The following ADGRE3 variants were observed in gnomAD, a reference collection of about 807,000 sequenced individuals.
ADGRE3 encodes EGF-like module receptor 3.
ADGRE3 carries 88 observed loss-of-function variants against 80.1 expected under a neutral mutation model. The observed-to-expected ratio is 1.10, with a 90% CI of 0.93 to 1.31. ADGRE3 has a LOEUF of 1.31. Ranked by LOEUF, ADGRE3 falls within the 40% of genes most tolerant of loss-of-function variation. The pLI is 0.00. For missense variants in ADGRE3, 715 were observed against 776.5 expected (o/e 0.92, Z 0.94); for synonymous variants, 281 against 294.8 (o/e 0.95, Z 0.48).
intron 11 of ADGRE3, among the ~76,000 whole-genome samples, chr19:14,637,756 T>G (rs577540442): frequency 6.6e-6 from 1 of 152,008 alleles, no homozygotes; most frequent in Non-Finnish European, 1.5e-5. Flanking sequence ...CTTGAACTCC[T>G]GGCCTCAAGT....
chr19:14,602,368 C>A, the ADGRE3 span, among the ~76,000 whole-genome samples: 2 of 152,264 alleles, frequency 1.3e-5, no homozygotes, highest in South Asian at 4.1e-4. Context: ...CAGCTCATGG[C>A]AGCCTTGGCC....
intron 1 of ADGRE3, among the ~76,000 whole-genome samples, chr19:14,671,457 A>G (rs1356674669): frequency 1.3e-5 from 2 of 152,110 alleles, no homozygotes; most frequent in Non-Finnish European, 2.9e-5. Context: ...CCCTCTTAAG[A>G]GGACCTTTGT....
rs777908959 is a variant in ADGRE3 at position 14,651,117 on chromosome 19, C to A, written c.665G>T (p.Arg222Leu). The change falls in exon 7 of 16, where the codon CGT becomes CTT. Residue 222 changes from arginine (R) to leucine (L), a missense_variant. Arg to Leu is a moderately radical substitution (Grantham distance 102). Transcript: ENST00000253673. ...GTCTCCCTGGATGATGTCACTGCAA[C>A]GGATGTCCATTGAGTTCATTTGGAC... ...LNVQMNSMDI[R>L]CSDIIQGDTQ... is the part of the protein sequence containing the mutation. 1.1e-5 allele frequency: 17 copies of A among 1,613,906 alleles called. No individual in the cohort carries two copies. Among genetic ancestry groups the A allele is most frequent in the Non-Finnish European group, 1.3e-5 (15 of 1,179,948 alleles).
intron 1 of ADGRE3, among the ~76,000 whole-genome samples, chr19:14,673,848 C>G (rs1032758040): frequency 6.6e-6 from 1 of 152,034 alleles, no homozygotes; most frequent in Non-Finnish European, 1.5e-5. Context: ...TACATTGTAA[C>G]CATTAGGTAA....
chr19:14,613,862 T>C, the ADGRE3 span, among the ~76,000 whole-genome samples: 1 of 152,046 alleles, frequency 6.6e-6, no homozygotes, highest in Non-Finnish European at 1.5e-5. Flanking sequence ...ATTTTTGTAT[T>C]ATTAGTAGAG....
intron 7 of ADGRE3, among the ~76,000 whole-genome samples, chr19:14,650,629 ATCTCTCTCTCTCTCTCTCTC>A (rs376333448): frequency 2.0e-4 from 5 of 24,910 alleles, no homozygotes; most frequent in Admixed American, 8.0e-4. Context: ...CTCTGTCTCC[ATCTCTCTCTCTCTCTCTCTC>A]TCTCTCTCTC....
chr19:14,623,720 G>C (rs917153394), intron 15 of ADGRE3, among the ~76,000 whole-genome samples: 1 of 152,254 alleles, frequency 6.6e-6, no homozygotes, highest in African/African-American at 2.4e-5. Flanking sequence ...GCATTTGGGG[G>C]AAGATGATCA....
At chr19:14,670,640 A>G (rs1254713492) in intron 1 of ADGRE3, among the ~76,000 whole-genome samples, 1 of 152,220 alleles carries the variant, frequency 6.6e-6, no homozygotes, top group Admixed American at 6.5e-5. Flanking sequence ...TGCTTCTGCA[A>G]AGACCTAAAG....
chr19:14,637,318 T>A (rs1213459823), intron 11 of ADGRE3, among the ~76,000 whole-genome samples: 1 of 151,508 alleles, frequency 6.6e-6, no homozygotes, highest in Non-Finnish European at 1.5e-5. Context: ...AAAGTCCCAG[T>A]CCCGAACTCC....
intron 11 of ADGRE3, among the ~76,000 whole-genome samples, chr19:14,636,322 C>T (rs574916735): frequency 1.5e-4 from 22 of 149,612 alleles, no homozygotes; most frequent in Admixed American, 3.4e-4. Flanking sequence ...CGGGTTCAAG[C>T]GATTCTCCTG....
the ADGRE3 span, among the ~76,000 whole-genome samples, chr19:14,607,318 C>T: frequency 6.6e-6 from 1 of 151,738 alleles, no homozygotes; most frequent in East Asian, 2.0e-4. Context: ...TATTCTCTGC[C>T]TCAGCCTCCC....
chr19:14,640,958 C>A (rs952833491), intron 10 of ADGRE3, among the ~76,000 whole-genome samples: 2 of 152,162 alleles, frequency 1.3e-5, no homozygotes, highest in Non-Finnish European at 2.9e-5. Flanking sequence ...ACCTCTTTTT[C>A]TTCCCAGTCT....
At position 14,638,133 on chromosome 19, in the gene ADGRE3, A is replaced by G. The variant is rs1207901318; in HGVS notation, c.1456T>C (p.Trp486Arg). The change falls in exon 11 of 16, where the codon TGG (tryptophan) becomes CGG (arginine). Residue 486 changes from tryptophan (W) to arginine (R), a missense_variant. Transcript: ENST00000253673. Reference sequence around the variant, plus strand: ...TCAGCAGTTCCATAAAGGTGAGGCCAGGAGGCTGCAGAAATGGCCACAGTC... The same window carrying G: ...TCAGCAGTTCCATAAAGGTGAGGCCGGGAGGCTGCAGAAATGGCCACAGTC... The part of the protein sequence containing the change: ...AVTVAISAAS[W>R]PHLYGTADRC... 5 of 1,614,006 alleles carry G rather than the reference A, an allele frequency of 3.1e-6. No homozygotes were observed. The highest frequency in any genetic ancestry group is 1.3e-5 in the African/African-American group (1 of 74,936).
Position 14,620,562 on chromosome 19 carries a change from ATATATATTTTTTTTTTTTTTTTTT to A in ADGRE3, c.1921-1115_1921-1092del, listed in dbSNP as rs1599598164. On this transcript the variant is annotated intron_variant, in intron 15 of 15. Coordinates refer to ENST00000253673, the MANE Select transcript of ADGRE3 (RefSeq NM_032571.5). ...TTATATATATATTATATATATATAT[ATATATATTTTTTTTTTTTTTTTTT>A]TTTTTTTTTTTGAGACAGGGTTTTG... Among the ~76,000 whole-genome samples, 14 of 22,078 alleles carry A rather than the reference ATATATATTTTTTTTTTTTTTTTTT, an allele frequency of 6.3e-4. No individual in the cohort carries two copies. The East Asian group carries it at 0.011, about 18-fold the overall frequency. The allele number at this position is 22,078 out of a possible 152,430, so 14.5% of individuals were successfully genotyped here.
chr19:14,608,358 C>T, the ADGRE3 span, among the ~76,000 whole-genome samples: 8 of 152,112 alleles, frequency 5.3e-5, no homozygotes, highest in Non-Finnish European at 1.2e-4. Flanking sequence ...TAGCATTGCT[C>T]ATTATTTTGG....
At chr19:14,627,187 C>A (rs1350012949) in intron 14 of ADGRE3, among the ~76,000 whole-genome samples, 2 of 152,152 alleles carry the variant, frequency 1.3e-5, no homozygotes, top group African/African-American at 4.8e-5. Context: ...TAGAAACCCC[C>A]ACCCCAGTAA....
At chr19:14,671,332 G>A (rs1195402749) in intron 1 of ADGRE3, among the ~76,000 whole-genome samples, 2 of 152,124 alleles carry the variant, frequency 1.3e-5, no homozygotes, top group Non-Finnish European at 2.9e-5. Context: ...GGGAGAATCT[G>A]TCTCCTTGCC....
At chr19:14,651,675 A>G (rs1208942814) in intron 6 of ADGRE3, among the ~76,000 whole-genome samples, 1 of 152,212 alleles carries the variant, frequency 6.6e-6, no homozygotes, top group African/African-American at 2.4e-5. Flanking sequence ...AAGAAAGTTC[A>G]TAGCAGCTTA....
chr19:14,606,761 G>A, the ADGRE3 span, among the ~76,000 whole-genome samples: 1 of 151,996 alleles, frequency 6.6e-6, no homozygotes. Context: ...TGAGGAAACT[G>A]AGGCACGGAG....
Sources: gnomAD v4.1 joint callset for allele counts (sites outside exome capture counted in the v4.1 genomes callset) on GRCh38, gnomAD v4.1.1 for gene constraint, MANE v1.5 for transcripts, NCBI Gene and HGNC (gene_info 2026-07-23, HGNC 2026-07-21) for gene names.